TRPA1: variants seen among roughly 807,000 people sequenced by gnomAD.
The protein encoded by TRPA1 is transient receptor potential cation channel subfamily A member 1, also known as ankyrin-like with transmembrane domains 1.
In TRPA1, 129 loss-of-function variants were observed where a neutral mutation model predicts 131.3. The ratio of observed to expected loss-of-function variants is 0.98; its 90% CI spans 0.85 to 1.14. TRPA1 has a LOEUF of 1.14. Among genes scored for constraint, TRPA1 ranks in the 50% most tolerant of loss-of-function variants. The pLI is 0.00. For missense variants in TRPA1, 1,304 were observed against 1,354.2 expected (o/e 0.96, Z 0.58); for synonymous variants, 441 against 451.7 (o/e 0.98, Z 0.30).
chr8:72,061,127 A>G (rs1027794347), intron 7 of TRPA1, among the ~76,000 whole-genome samples: 2 of 152,210 alleles, frequency 1.3e-5, no homozygotes, highest in African/African-American at 4.8e-5. Context: ...TTAAACTTCA[A>G]ATAAATTTGT....
Position 72,069,862 on chromosome 8 carries a change from T to C in TRPA1, c.269-664A>G, listed in dbSNP as rs369170310. Reference sequence around the variant, plus strand: ...TGTTGCAATGTTACTGGGACAATAATACTAAGTCATGTCTTTAAAGATCAC... The same window carrying C: ...TGTTGCAATGTTACTGGGACAATAACACTAAGTCATGTCTTTAAAGATCAC... On this transcript the variant is annotated intron_variant, in intron 2 of 26. Coordinates refer to ENST00000262209, the MANE Select transcript of TRPA1 (RefSeq NM_007332.3). Among the ~76,000 whole-genome samples, 3 of 151,804 alleles carry C rather than the reference T, an allele frequency of 2.0e-5. No individual in the cohort carries two copies. In the East Asian group the frequency reaches 5.8e-4, roughly 29 times the overall value.
chr8:72,088,177 G>T, the TRPA1 span, among the ~76,000 whole-genome samples: 2 of 152,138 alleles, frequency 1.3e-5, no homozygotes, highest in African/African-American at 4.8e-5. Flanking sequence ...TTTGTGTTCA[G>T]ATCTCCTCCT....
chr8:72,087,973 G>C, the TRPA1 span, among the ~76,000 whole-genome samples: 2 of 152,162 alleles, frequency 1.3e-5, no homozygotes, highest in African/African-American at 4.8e-5. Flanking sequence ...GTCCTTCCTG[G>C]AGCATTGCTC....
At chr8:72,048,902 G>A (rs1334620175) in intron 15 of TRPA1, among the ~76,000 whole-genome samples, 1 of 152,058 alleles carries the variant, frequency 6.6e-6, no homozygotes, top group East Asian at 1.9e-4. Flanking sequence ...TTTCAACATT[G>A]TTTTACAATT....
intron 3 of TRPA1, among the ~76,000 whole-genome samples, chr8:72,067,761 T>C (rs1805965382): frequency 6.6e-6 from 1 of 152,184 alleles, no homozygotes; most frequent in South Asian, 2.1e-4. Flanking sequence ...ACTTGGCTCA[T>C]GAATAATGAA....
rs760545855 is a variant in TRPA1, at chr8:72,061,684, A to G, written c.885T>C (p.Tyr295=). Residue 295 remains tyrosine (Y), a synonymous_variant, in exon 7 of 27, where the codon TAT becomes TAC. Transcript: ENST00000262209. ...TGTTAACAATATCCACGCTACCAGA[A>G]TAGGACGATATCATCAGTTTAACAA... is the stretch of plus-strand genomic sequence containing the variant. ...TEIVKLMISS[Y]SGSVDIVNTT... 6.2e-7 allele frequency: 1 copy of G among 1,614,098 alleles called. No individual in the cohort carries two copies. The highest frequency in any genetic ancestry group is 8.5e-7 in the Non-Finnish European group (1 of 1,179,976).
chr8:72,053,403 C>T (rs1022674307), intron 13 of TRPA1: 2 of 333,818 alleles, frequency 6.0e-6, no homozygotes, highest in Admixed American at 8.4e-5. Context: ...GGCAGCATTT[C>T]AAATCAATAC....
the TRPA1 span, among the ~76,000 whole-genome samples, chr8:72,081,441 G>C: frequency 6.6e-6 from 1 of 151,704 alleles, no homozygotes. Context: ...CTAGTAGACT[G>C]TTCTACATAC....
At chr8:72,040,562 A>G (rs1167262780) in intron 17 of TRPA1, among the ~76,000 whole-genome samples, 1 of 152,136 alleles carries the variant, frequency 6.6e-6, no homozygotes, top group African/African-American at 2.4e-5. Context: ...TTCTCCCTGG[A>G]AAGAGAAAGA....
chr8:72,057,118 T>G (rs1805687979), intron 9 of TRPA1, 101 bp from the exon 10 acceptor site: 2 of 882,366 alleles, frequency 2.3e-6, no homozygotes, highest in African/African-American at 3.4e-5. Flanking sequence ...CTAAAAATAT[T>G]GTCGACCTTT....
upstream of TRPA1, among the ~76,000 whole-genome samples, chr8:72,077,370 C>G (rs1387641412): frequency 6.6e-6 from 1 of 152,098 alleles, no homozygotes; most frequent in African/African-American, 2.4e-5. Context: ...AGGGTGGCTC[C>G]AGGCCAACAG....
chr8:72,055,654 A>C (rs1055324408), intron 11 of TRPA1, 32 bp downstream of exon 11: 1 of 1,613,524 alleles, frequency 6.2e-7, no homozygotes, highest in Non-Finnish European at 8.5e-7. Flanking sequence ...CAGAAAGAAG[A>C]CATGTTCATA....
In TRPA1 at chr8:72,025,820, C is replaced by CT. The variant is rs1455487193; in HGVS notation, c.3051+139dup. 73 of 742,616 alleles carry CT rather than the reference C, an allele frequency of 9.8e-5. 1 individual carries two copies. The South Asian group carries it at 1.0e-3, about 11-fold the overall frequency. 46.0% of individuals were successfully genotyped at this position (742,616 alleles called of 1,614,324 possible). A position where few individuals can be genotyped will look rare whatever the true frequency, so the allele number is the denominator to read the frequency against. Reference sequence around the variant, plus strand: ...TTTCATGTCTTGGTTTAATCATATCCTTTTTTTAAAAGCACAACTCCTCTG... The same window carrying CT: ...TTTCATGTCTTGGTTTAATCATATCCTTTTTTTTAAAAGCACAACTCCTCTG... On this transcript the variant is annotated intron_variant, in intron 25 of 26. Coordinates refer to ENST00000262209, the MANE Select transcript of TRPA1 (RefSeq NM_007332.3).
chr8:72,042,483 G>A (rs1443927673), intron 17 of TRPA1, among the ~76,000 whole-genome samples: 1 of 151,800 alleles, frequency 6.6e-6, no homozygotes. Flanking sequence ...AAATGGAACA[G>A]TCATTATGGA....
chr8:72,083,095 A>C, the TRPA1 span, among the ~76,000 whole-genome samples: 8 of 151,816 alleles, frequency 5.3e-5, no homozygotes, highest in African/African-American at 1.9e-4. Context: ...TTTTTCATTT[A>C]TATTATTGTC....
the TRPA1 span, among the ~76,000 whole-genome samples, chr8:72,084,598 A>G: frequency 7.3e-6 from 1 of 137,534 alleles, no homozygotes; most frequent in Non-Finnish European, 1.6e-5. Flanking sequence ...ATCTTACTTT[A>G]TTTATTTTGT....
the TRPA1 span, among the ~76,000 whole-genome samples, chr8:72,084,532 G>A: frequency 6.7e-6 from 1 of 149,464 alleles, no homozygotes; most frequent in Non-Finnish European, 1.5e-5. Context: ...TTCCTATTTA[G>A]CTTCTTTTTC....
At chr8:72,069,282 A>G (rs1806002564) in intron 2 of TRPA1, 84 bp from the exon 3 acceptor site, 6 of 1,334,922 alleles carry the variant, frequency 4.5e-6, no homozygotes, top group South Asian at 1.2e-5. Flanking sequence ...TATAAAACTC[A>G]GTGCCAAGTG....
chr8:72,087,861 C>A, the TRPA1 span, among the ~76,000 whole-genome samples: 79 of 152,304 alleles, frequency 5.2e-4, no homozygotes, highest in African/African-American at 1.8e-3. Context: ...CCACTTACCT[C>A]CTCTAGTCAC....
Sources: gnomAD v4.1 joint callset for allele counts (sites outside exome capture counted in the v4.1 genomes callset) on GRCh38, gnomAD v4.1.1 for gene constraint, MANE v1.5 for transcripts, NCBI Gene and HGNC (gene_info 2026-07-23, HGNC 2026-07-21) for gene names.